SETDB1: variants seen among roughly 807,000 people sequenced by gnomAD.
SETDB1 encodes the protein histone-lysine N-methyltransferase SETDB1.
A neutral mutation model predicts 137.4 loss-of-function variants in SETDB1; 31 were observed. The observed-to-expected ratio is 0.23, with a 90% CI of 0.17 to 0.30. The LOEUF is 0.30. Ranked by LOEUF, SETDB1 falls within the 10% of genes least tolerant of loss-of-function variation. The pLI is 1.00. For synonymous variants in SETDB1, 548 were observed against 579.9 expected, an observed-to-expected ratio of 0.95 and a Z score of 0.79; for missense variants, 1,113 against 1,631.5, an observed-to-expected ratio of 0.68 and a Z score of 5.47.
chr1:150,947,761 C>T (rs1305837690), intron 10 of SETDB1, among the ~76,000 whole-genome samples: 2 of 152,040 alleles, frequency 1.3e-5, no homozygotes, highest in East Asian at 1.9e-4. Context: ...GGTGACAGAA[C>T]GAGACCCTGT....
intron 10 of SETDB1, 109 bp downstream of exon 10, chr1:150,947,121 G>T (rs1435631889): frequency 7.7e-6 from 10 of 1,305,520 alleles, no homozygotes; most frequent in African/African-American, 1.5e-5. Flanking sequence ...ATACTCATTG[G>T]AAACAGGATA....
rs1486263369 is a variant in SETDB1 at position 150,939,967 on chromosome 1, A to T, written c.440A>T (p.Asp147Val). The change falls in exon 4 of 22, where the codon GAC becomes GTC. Residue 147 changes from aspartate (D) to valine (V), a missense_variant. Around this residue, in one of 11 missense-constraint regions of SETDB1, gnomAD observed 159 missense variants for 188.6 expected, o/e 0.84. Coordinates refer to ENST00000692827, the MANE Select transcript of SETDB1 (RefSeq NM_001366418.1). ...SGDAGSRTPK[D>V]QKLREAMAAL... ...GATGCTGGGAGCAGAACTCCAAAAG[A>T]CCAGAAGGTAAGTTAGGATGGTAAG... 6.2e-7 allele frequency: 1 copy of T among 1,612,818 alleles called. No individual in the cohort carries two copies. Among genetic ancestry groups the T allele is most frequent in the Admixed American group, 1.7e-5 (1 of 59,944 alleles).
At position 150,964,155 on chromosome 1, in the gene SETDB1, T is replaced by C; in HGVS notation, c.3761+72T>C. On this transcript the variant is annotated intron_variant, in intron 21 of 21. Coordinates refer to ENST00000692827, the MANE Select transcript of SETDB1 (RefSeq NM_001366418.1). ...GAAGTTCTAAGGGCCCCTCCTCCAT[T>C]CATGATCCAACTCCACCTACATATT... The C allele has an allele frequency of 3.9e-6, 6 of 1,531,796 alleles. No individual in the cohort carries two copies. The South Asian group carries it at 4.5e-5, about 11-fold the overall frequency. The allele number at this position is 1,531,796 out of a possible 1,614,324, so 94.9% of individuals were successfully genotyped here. A position where few individuals can be genotyped will look rare whatever the true frequency, so the allele number is the denominator to read the frequency against.
chr1:150,943,449 A>G (rs1396925246), intron 7 of SETDB1, among the ~76,000 whole-genome samples: 1 of 152,160 alleles, frequency 6.6e-6, no homozygotes, highest in African/African-American at 2.4e-5. Flanking sequence ...GGCCAAGGCA[A>G]GTGAATCACC....
At position 150,964,226 on chromosome 1, in the gene SETDB1, CA is replaced by C; in HGVS notation, c.3762-20del. The C allele has an allele frequency of 6.2e-7, 1 of 1,602,682 alleles. No homozygotes were observed. The highest frequency in any genetic ancestry group is 8.5e-7 in the Non-Finnish European group (1 of 1,169,732). ...GTTATCTGCTGTCTTTGCCACACAC[CA>C]TCCTTTTCTTCCTCTTCAGAAGAAT... On this transcript the variant is annotated intron_variant, in intron 21 of 21. Transcript: ENST00000692827.
intron 16 of SETDB1, chr1:150,961,777 T>C (rs1235870057): frequency 3.6e-6 from 1 of 274,582 alleles, no homozygotes; most frequent in East Asian, 6.9e-5. Context: ...TTCAAGTTAT[T>C]CACATCATTG....
At position 150,959,083 on chromosome 1, in the gene SETDB1, T is replaced by C. The variant is rs887962303; in HGVS notation, c.2334-95T>C. On this transcript the variant is annotated intron_variant, in intron 14 of 21. Transcript: ENST00000692827. ...TTTAATCTTTATCCACAACACATTA[T>C]AAATGATGATAGCTTAAGAATTATA... The C allele has an allele frequency of 7.2e-5, 63 of 874,966 alleles. No homozygotes were observed. The East Asian group carries it at 1.9e-3, about 27-fold the overall frequency. 54.2% of individuals were successfully genotyped at this position (874,966 alleles called of 1,614,324 possible). A position where few individuals can be genotyped will look rare whatever the true frequency, so the allele number is the denominator to read the frequency against.
chr1:150,927,377 C>T (rs930006771), intron 1 of SETDB1, among the ~76,000 whole-genome samples: 9 of 152,176 alleles, frequency 5.9e-5, no homozygotes, highest in South Asian at 2.1e-4. Context: ...CCTCCTGCCT[C>T]GGCCTCTAAA....
chr1:150,948,481 G>A (rs1383958530), intron 10 of SETDB1, among the ~76,000 whole-genome samples: 1 of 152,138 alleles, frequency 6.6e-6, no homozygotes. Context: ...ATGTTGGCCA[G>A]GCTGGTCTTG....
intron 14 of SETDB1, 114 bp from the exon 15 acceptor site, chr1:150,959,064 C>A (rs992429614): frequency 1.5e-5 from 11 of 721,122 alleles, no homozygotes; most frequent in African/African-American, 9.4e-5. Flanking sequence ...AATTTTTAAT[C>A]TTTATCCACA....
At chr1:150,943,138 A>G (rs1438745740) in intron 7 of SETDB1, 85 bp downstream of exon 7, 3 of 936,612 alleles carry the variant, frequency 3.2e-6, no homozygotes, top group Non-Finnish European at 5.1e-6. Flanking sequence ...TACCACAATT[A>G]GCTTTTGTCT....
At chr1:150,944,844 T>A (rs1474871383) in intron 8 of SETDB1, 74 bp from the exon 9 acceptor site, 4 of 1,518,828 alleles carry the variant, frequency 2.6e-6, no homozygotes, top group Non-Finnish European at 3.6e-6. Flanking sequence ...GTATCAAATG[T>A]CTCCTGGCCA....
intron 14 of SETDB1, among the ~76,000 whole-genome samples, chr1:150,952,191 T>C (rs1251756532): frequency 6.6e-6 from 1 of 152,084 alleles, no homozygotes; most frequent in Non-Finnish European, 1.5e-5. Context: ...CATGGTGCTC[T>C]TACAGGATTT....
chr1:150,928,094 G>A (rs749182289), intron 2 of SETDB1, 120 bp downstream of exon 2: 6 of 1,230,694 alleles, frequency 4.9e-6, no homozygotes, highest in Non-Finnish European at 6.8e-6. Context: ...GTCTCGCTCT[G>A]TCACCCAAGC....
chr1:150,962,277 TC>T, intron 17 of SETDB1, 119 bp downstream of exon 17: 3 of 920,130 alleles, frequency 3.3e-6, no homozygotes, highest in South Asian at 2.7e-5. Flanking sequence ...CAAGAGATTC[TC>T]CCACCTCAGC....
chr1:150,955,842 A>G (rs1670618765), intron 14 of SETDB1, among the ~76,000 whole-genome samples: 1 of 152,112 alleles, frequency 6.6e-6, no homozygotes, highest in Admixed American at 6.6e-5. Context: ...TAATCCCAGC[A>G]CTTTGGGAGG....
rs1307084702 is a variant in SETDB1 at position 150,951,489 on chromosome 1, G to A, written c.2333+8G>A. On this transcript the variant is annotated splice_region_variant and intron_variant, in intron 14 of 21. Transcript: ENST00000692827. Reference sequence around the variant, plus strand: ...AGAGTGTCTACCCACAGGGTAAGTGGTCAAGGAATGGCACAGTACCTCAGA... The same window carrying A: ...AGAGTGTCTACCCACAGGGTAAGTGATCAAGGAATGGCACAGTACCTCAGA... 13 of 1,402,610 alleles carry A rather than the reference G, an allele frequency of 9.3e-6. No individual in the cohort carries two copies. Among genetic ancestry groups the A allele is most frequent in the Non-Finnish European group, 1.0e-6 (1 of 987,332 alleles). The allele number at this position is 1,402,610 out of a possible 1,614,324, so 86.9% of individuals were successfully genotyped here.
At chr1:150,926,698 T>A (rs587698060) in intron 1 of SETDB1, 181 bp downstream of exon 1, 3 of 529,830 alleles carry the variant, frequency 5.7e-6, no homozygotes, top group Non-Finnish European at 1.2e-5. Flanking sequence ...GGGGGTGGGC[T>A]GGTGTGTGGG....
rs771686210 is a variant in SETDB1 at position 150,949,492 on chromosome 1, C to A, written c.1550C>A (p.Ser517Tyr). The change falls in exon 12 of 22, where the codon TCT (serine) becomes TAT (tyrosine). Residue 517 changes from serine (S) to tyrosine (Y), a missense_variant. Ser to Tyr is a moderately radical substitution (Grantham distance 144). This residue lies in a region of SETDB1 where 192 missense variants were observed against 198.1 expected (regional missense o/e 0.97). Transcript: ENST00000692827. ...PTSPALSENV[S>Y]GGKPGINQTY... ...TCTCCTGCACTCAGTGAAAATGTCTCTGGTGGGAAACCTGGGATCAACCAG... is the reference window on the plus strand; with the variant it reads ...TCTCCTGCACTCAGTGAAAATGTCTATGGTGGGAAACCTGGGATCAACCAG... 1.9e-6 allele frequency: 3 copies of A among 1,614,122 alleles called. No homozygotes were observed. The highest frequency in any genetic ancestry group is 2.5e-6 in the Non-Finnish European group (3 of 1,180,022).
Sources: allele counts gnomAD v4.1 joint callset (sites outside exome capture counted in the v4.1 genomes callset), GRCh38; gene constraint gnomAD v4.1.1; regional missense constraint gnomAD v4.1.1; transcripts MANE v1.5; gene names NCBI Gene and HGNC (gene_info 2026-07-23, HGNC 2026-07-21).